Variants in CHRM3 observed in about 807,000 individuals in gnomAD.
CHRM3 encodes the protein muscarinic acetylcholine receptor M3.
Under a neutral mutation model 41.8 loss-of-function variants are expected in CHRM3, and 11 were observed. That is an observed-to-expected ratio of 0.26 (90% confidence interval 0.17 to 0.44). The LOEUF (loss-of-function observed/expected upper bound fraction) is 0.44. CHRM3 is among the 20% of genes least tolerant of loss of function. CHRM3 has a pLI of 1.00. For missense variants in CHRM3, 571 were observed against 745.4 expected (o/e 0.77, Z 2.72); for synonymous variants, 297 against 301.4 (o/e 0.99, Z 0.15).
intron 3 of CHRM3, among the ~76,000 whole-genome samples, chr1:239,610,481 A>T (rs1666890325): frequency 6.6e-6 from 1 of 152,100 alleles, no homozygotes; most frequent in Admixed American, 6.5e-5. Flanking sequence ...GTTCTCTCTA[A>T]TGCTGCTCCT....
chr1:239,797,266 G>T (rs1411306181), intron 5 of CHRM3, among the ~76,000 whole-genome samples: 1 of 152,074 alleles, frequency 6.6e-6, no homozygotes, highest in Non-Finnish European at 1.5e-5. Flanking sequence ...CACTGTTTGG[G>T]CAATGAGTTC....
rs541873402 is a variant in CHRM3, at chr1:239,598,106, C to T, written c.-312-34118C>T. ...TGAAGGCCAGGGGCACACACTAGGA[C>T]GCACAGCTCACAAACGACTACCAGG... On this transcript the variant is annotated intron_variant, in intron 3 of 6. Transcript: ENST00000676153. 2.1e-3 allele frequency among the ~76,000 whole-genome samples: 314 copies of T among 152,196 alleles called. 2 individuals are homozygous for T. The highest frequency in any genetic ancestry group is 6.7e-3 in the African/African-American group (278 of 41,536).
At chr1:239,505,378 A>C (rs937413846) in intron 2 of CHRM3, among the ~76,000 whole-genome samples, 3 of 152,066 alleles carry the variant, frequency 2.0e-5, no homozygotes, top group African/African-American at 7.2e-5. Flanking sequence ...GGGACCTGGC[A>C]GGAGGTAATT....
intron 1 of CHRM3, among the ~76,000 whole-genome samples, chr1:239,453,437 C>T (rs1664703358): frequency 6.6e-6 from 1 of 152,114 alleles, no homozygotes; most frequent in Non-Finnish European, 1.5e-5. Context: ...AATATGGTTT[C>T]ATCTAAATGG....
At chr1:239,821,600 C>T (rs1052627764) in intron 5 of CHRM3, among the ~76,000 whole-genome samples, 1 of 152,158 alleles carries the variant, frequency 6.6e-6, no homozygotes, top group Non-Finnish European at 1.5e-5. Context: ...GAGAAATGAA[C>T]CCTCACCATG....
intron 3 of CHRM3, among the ~76,000 whole-genome samples, chr1:239,573,381 T>C (rs1436556334): frequency 6.6e-6 from 1 of 152,220 alleles, no homozygotes; most frequent in Non-Finnish European, 1.5e-5. Context: ...GTTACTTTAA[T>C]TAGTTTAACA....
chr1:239,696,106 C>G (rs990280638), intron 5 of CHRM3, among the ~76,000 whole-genome samples: 10 of 152,088 alleles, frequency 6.6e-5, no homozygotes, highest in African/African-American at 2.4e-4. Context: ...CTGGTCTTAA[C>G]TTTGTTGTTT....
Position 239,593,936 on chromosome 1 carries a change from C to T in CHRM3, c.-312-38288C>T, listed in dbSNP as rs146024947. On this transcript the variant is annotated intron_variant, in intron 3 of 6. Transcript: ENST00000676153. ...GCTATATAACCTCTTTAATTGTGCT[C>T]TTAGGCATTTTCCATATCATTAACA... Among the ~76,000 whole-genome samples, 780 of 152,212 alleles carry T rather than the reference C, an allele frequency of 5.1e-3. 10 individuals are homozygous for T. The highest frequency in any genetic ancestry group is 6.0e-3 in the Non-Finnish European group (405 of 68,010).
chr1:239,583,700 C>T (rs929689829), intron 3 of CHRM3, among the ~76,000 whole-genome samples: 2 of 152,138 alleles, frequency 1.3e-5, no homozygotes, highest in African/African-American at 4.8e-5. Flanking sequence ...TAATTTAGTC[C>T]ATTTGGCTTC....
At chr1:239,627,631 C>T (rs1286295230) in intron 3 of CHRM3, among the ~76,000 whole-genome samples, 100 of 144,490 alleles carry the variant, frequency 6.9e-4, no homozygotes, top group Non-Finnish European at 1.2e-3. Flanking sequence ...GATTTTGCAG[C>T]GGCTGGTACC....
intron 5 of CHRM3, among the ~76,000 whole-genome samples, chr1:239,734,757 G>T (rs1445803870): frequency 6.6e-6 from 1 of 152,020 alleles, no homozygotes; most frequent in Non-Finnish European, 1.5e-5. Flanking sequence ...AACATATACT[G>T]ATGAGTATGC....
At chr1:239,698,801 C>T (rs6694025) in intron 5 of CHRM3, among the ~76,000 whole-genome samples, 16,035 of 152,054 alleles carry the variant, frequency 0.11, 2,051 homozygotes, top group African/African-American at 0.3. Context: ...AGGTGCCATC[C>T]CTCCACATGA....
chr1:239,604,811 C>T (rs1370536125), intron 3 of CHRM3, among the ~76,000 whole-genome samples: 1 of 152,136 alleles, frequency 6.6e-6, no homozygotes, highest in Non-Finnish European at 1.5e-5. Context: ...GGGAAAGAAG[C>T]GTGCTAACTG....
intron 5 of CHRM3, chr1:239,707,699 C>T (rs1363949254): frequency 6.6e-6 from 1 of 152,084 alleles, no homozygotes; most frequent in Non-Finnish European, 1.5e-5. Flanking sequence ...TTTTTGTACT[C>T]CATAATTCCA....
chr1:239,853,050 C>T (rs1237037356), intron 6 of CHRM3, among the ~76,000 whole-genome samples: 3 of 151,700 alleles, frequency 2.0e-5, no homozygotes, highest in Admixed American at 2.0e-4. Context: ...CTTTCTATTC[C>T]TTAAGGTTTT....
chr1:239,461,576 A>G (rs1336129870), intron 1 of CHRM3, among the ~76,000 whole-genome samples: 6 of 152,050 alleles, frequency 3.9e-5, no homozygotes, highest in Non-Finnish European at 8.8e-5. Context: ...GCAAATCTTA[A>G]TGTGCTTATG....
intron 1 of CHRM3, among the ~76,000 whole-genome samples, chr1:239,467,542 C>G (rs1029458088): frequency 1.3e-5 from 2 of 152,170 alleles, no homozygotes; most frequent in African/African-American, 4.8e-5. Context: ...CCTCGTGATC[C>G]GCCTGCCTCG....
chr1:239,477,740 G>A (rs2147980276), intron 1 of CHRM3, among the ~76,000 whole-genome samples: 1 of 152,266 alleles, frequency 6.6e-6, no homozygotes, highest in African/African-American at 2.4e-5. Flanking sequence ...AGACATATCT[G>A]AGGAAGCTGA....
chr1:239,504,814 G>A (rs1229813483), intron 2 of CHRM3, among the ~76,000 whole-genome samples: 1 of 152,150 alleles, frequency 6.6e-6, no homozygotes, highest in Non-Finnish European at 1.5e-5. Context: ...ACTCAGGAAT[G>A]GAAAACCAAA....
Sources: gnomAD v4.1 joint callset for allele counts (sites outside exome capture counted in the v4.1 genomes callset) on GRCh38, gnomAD v4.1.1 for gene constraint, MANE v1.5 for transcripts, NCBI Gene and HGNC (gene_info 2026-07-23, HGNC 2026-07-21) for gene names.